The following RPH3AL variants were observed in gnomAD, a reference collection of about 807,000 sequenced individuals.
The protein encoded by RPH3AL is rabphilin 3A like (without C2 domains).
RPH3AL carries 38 observed loss-of-function variants against 43.1 expected under a neutral mutation model. The ratio of observed to expected loss-of-function variants is 0.88; its 90% CI spans 0.68 to 1.15. RPH3AL has a LOEUF of 1.15. Ranked by LOEUF, RPH3AL falls within the 50% of genes most tolerant of loss-of-function variation. The pLI, the probability that RPH3AL is intolerant of heterozygous loss-of-function variation, is 0.00. For synonymous variants in RPH3AL, 189 were observed against 176.3 expected (o/e 1.07, Z -0.57); for missense variants, 462 against 423.2 (o/e 1.09, Z -0.81).
intron 6 of RPH3AL, among the ~76,000 whole-genome samples, chr17:275,921 G>A (rs758833844): frequency 1.3e-5 from 2 of 152,200 alleles, no homozygotes; most frequent in African/African-American, 2.4e-5. Flanking sequence ...AAAACCAGGC[G>A]AGGGACTAGA....
intron 5 of RPH3AL, among the ~76,000 whole-genome samples, chr17:291,967 A>C (rs1025189884): frequency 6.6e-6 from 1 of 152,258 alleles, no homozygotes; most frequent in Non-Finnish European, 1.5e-5. Context: ...GATAAGCAGA[A>C]TTCCTATTTA....
intron 2 of RPH3AL, chr17:332,208 T>C: frequency 3.2e-6 from 1 of 309,960 alleles, no homozygotes; most frequent in Middle Eastern, 1.2e-3. Context: ...ACTAGAGACG[T>C]GATCCCCAGG....
intron 1 of RPH3AL, among the ~76,000 whole-genome samples, chr17:340,479 CCCACCCA>C (rs1567538085): frequency 0.064 from 2,749 of 42,934 alleles, 888 homozygotes; most frequent in East Asian, 0.11. Context: ...CTCACTGCCC[CCCACCCA>C]GGCCTCCCCA....
intron 1 of RPH3AL, among the ~76,000 whole-genome samples, chr17:349,589 A>G (rs1052385798): frequency 2.0e-5 from 3 of 152,214 alleles, no homozygotes; most frequent in African/African-American, 7.2e-5. Flanking sequence ...TGGGAGGCCA[A>G]GGTGGGAGGA....
intron 4 of RPH3AL, among the ~76,000 whole-genome samples, 179 bp from the exon 5 acceptor site, chr17:319,728 C>T (rs1225503973): frequency 6.6e-6 from 1 of 150,452 alleles, no homozygotes; most frequent in East Asian, 2.0e-4. Flanking sequence ...ATTCAGTGAG[C>T]ACCTATGATT....
At chr17:341,125 G>T (rs1163165530) in intron 1 of RPH3AL, 7 of 109,534 alleles carry the variant, frequency 6.4e-5, no homozygotes, top group Admixed American at 9.5e-5. Flanking sequence ...CACTGCCCCT[G>T]CCCAGGTCTC....
chr17:352,702 A>C lies in RPH3AL; in HGVS notation c.-213+10T>G, dbSNP rs1410713051. 6.6e-6 allele frequency: 1 copy of C among 152,242 alleles called. No homozygotes were observed. The highest frequency in any genetic ancestry group is 1.5e-5 in the Non-Finnish European group (1 of 68,066). The allele number at this position is 152,242 out of a possible 1,614,324, so 9.4% of individuals were successfully genotyped here. On this transcript the variant is annotated intron_variant, in intron 1 of 9. Coordinates refer to ENST00000331302, the MANE Select transcript of RPH3AL (RefSeq NM_006987.4). ...ATGTCCTTGGAGCCATGAGACCCCG[A>C]AACACCTACCGGGAACAGAGGGGCT...
chr17:297,765 T>C (rs1308606268), intron 5 of RPH3AL, among the ~76,000 whole-genome samples: 1 of 152,088 alleles, frequency 6.6e-6, no homozygotes, highest in Non-Finnish European at 1.5e-5. Flanking sequence ...CTCTCCACCA[T>C]CCCCTTCCCT....
chr17:325,442 T>C (rs913432086), intron 3 of RPH3AL, among the ~76,000 whole-genome samples: 3 of 152,010 alleles, frequency 2.0e-5, no homozygotes, highest in African/African-American at 7.2e-5. Flanking sequence ...CACACTGACC[T>C]CCGGCCAGGG....
intron 1 of RPH3AL, among the ~76,000 whole-genome samples, chr17:340,368 C>A (rs960334348): frequency 1.3e-5 from 2 of 149,218 alleles, no homozygotes; most frequent in South Asian, 2.1e-4. Context: ...ACACTCACTG[C>A]CCTGGGCTCA....
intron 7 of RPH3AL, chr17:234,583 TG>T (rs1399760059): frequency 6.4e-6 from 1 of 156,022 alleles, no homozygotes; most frequent in Non-Finnish European, 1.4e-5. Context: ...CACAGGCAAA[TG>T]TGTGGTCCCA....
rs1026227922 is a variant in RPH3AL at position 246,140 on chromosome 17, C to T, written c.613+971G>A. Among the ~76,000 whole-genome samples, 25 of 152,138 alleles carry T rather than the reference C, an allele frequency of 1.6e-4. No individual in the cohort carries two copies. Among genetic ancestry groups the T allele is most frequent in the African/African-American group, 6.0e-4 (25 of 41,420 alleles). The stretch of plus-strand genomic sequence containing the variant: ...TTACTTTTGTAACAAGAAAAAACAG[C>T]CCGAATGACATAAAGATGGTCAGAT... On this transcript the variant is annotated intron_variant, in intron 7 of 9. Transcript: ENST00000331302. The surrounding 1 kb of genome is among the most constrained non-coding windows in gnomAD (Gnocchi z 4.8).
At chr17:282,763 T>C (rs2042812019) in intron 5 of RPH3AL, among the ~76,000 whole-genome samples, 1 of 152,226 alleles carries the variant, frequency 6.6e-6, no homozygotes, top group Admixed American at 6.5e-5. Flanking sequence ...CTAGCTGCTG[T>C]ATTCTGTGGC....
At position 331,664 on chromosome 17, in the gene RPH3AL, G is replaced by C. The variant is rs771233273; in HGVS notation, c.-37+2095C>G. 2.3e-6 allele frequency: 3 copies of C among 1,287,792 alleles called. No homozygotes were observed. The East Asian group carries it at 1.7e-4, about 72-fold the overall frequency. The allele number at this position is 1,287,792 out of a possible 1,614,324, so 79.8% of individuals were successfully genotyped here. On this transcript the variant is annotated intron_variant, in intron 2 of 9. Coordinates refer to ENST00000331302, the MANE Select transcript of RPH3AL (RefSeq NM_006987.4). ...TCAGCATGCAGAGGCTCCCTGACTC[G>C]GCAGCAAGGAGGGCCTCATCAGCCG...
At chr17:279,734 G>A (rs956601931) in intron 6 of RPH3AL, among the ~76,000 whole-genome samples, 1 of 152,178 alleles carries the variant, frequency 6.6e-6, no homozygotes, top group Non-Finnish European at 1.5e-5. Flanking sequence ...CCCCACAGAC[G>A]ATGTTTTAAG....
intron 9 of RPH3AL, chr17:214,859 C>T (rs1418748902): frequency 6.6e-6 from 1 of 152,216 alleles, no homozygotes; most frequent in African/African-American, 2.4e-5. Context: ...GACAAGAACT[C>T]GGGGCTGCCG....
chr17:278,693 G>T (rs1352720989), intron 6 of RPH3AL, among the ~76,000 whole-genome samples: 1 of 152,170 alleles, frequency 6.6e-6, no homozygotes, highest in East Asian at 1.9e-4. Flanking sequence ...ATCACCGTCT[G>T]TGACACTGCA....
At position 290,286 on chromosome 17, in the gene RPH3AL, C is replaced by T. The variant is rs924148025; in HGVS notation, c.352-8432G>A. Among the ~76,000 whole-genome samples the T allele has an allele frequency of 3.3e-5, 5 of 152,220 alleles. No homozygotes were observed. The highest frequency in any genetic ancestry group is 5.9e-5 in the Non-Finnish European group (4 of 68,002). ...GAGAGCCACACAGCGGGCAAGTGTC[C>T]GAGGAGGTGGGGTGGTGGCCAGGTG... On this transcript the variant is annotated intron_variant, in intron 5 of 9. Coordinates refer to ENST00000331302, the MANE Select transcript of RPH3AL (RefSeq NM_006987.4). This position sits in a 1 kb window ranked among gnomAD's most constrained non-coding sequence, Gnocchi z 4.2.
At chr17:258,537 CT>C (rs1427842851) in intron 6 of RPH3AL, among the ~76,000 whole-genome samples, 1 of 152,176 alleles carries the variant, frequency 6.6e-6, no homozygotes, top group East Asian at 1.9e-4. Flanking sequence ...GCCCAGGGTG[CT>C]CCCAGCCTCT....
Sources: allele counts gnomAD v4.1 joint callset (sites outside exome capture counted in the v4.1 genomes callset), GRCh38; gene constraint gnomAD v4.1.1; non-coding constraint Gnocchi (gnomAD v3.1); transcripts MANE v1.5; gene names NCBI Gene and HGNC (gene_info 2026-07-23, HGNC 2026-07-21).